NIPSNAP1: variants seen among roughly 807,000 people sequenced by gnomAD.
The protein encoded by NIPSNAP1 is protein NipSnap homolog 1.
Under a neutral mutation model 49.2 loss-of-function variants are expected in NIPSNAP1, and 25 were observed. That is an observed-to-expected ratio of 0.51 (90% confidence interval 0.37 to 0.71). The LOEUF is 0.71. NIPSNAP1 is among the 30% of genes least tolerant of loss of function. The pLI, the probability that NIPSNAP1 is intolerant of heterozygous loss-of-function variation, is 0.00. For missense variants in NIPSNAP1, 294 were observed against 361.0 expected (o/e 0.81, Z 1.50); for synonymous variants, 143 against 140.7 (o/e 1.02, Z -0.12).
rs542829896 is a variant in NIPSNAP1 at position 29,577,310 on chromosome 22, T to C, written c.98+3675A>G. Reference sequence around the variant, plus strand: ...CTCTGTTGCCCAGGCTGGAGTGCAATGGCACGATCTCGGCTCACTGCAACT... The same window carrying C: ...CTCTGTTGCCCAGGCTGGAGTGCAACGGCACGATCTCGGCTCACTGCAACT... On this transcript the variant is annotated intron_variant, in intron 1 of 9. Coordinates refer to ENST00000216121, the MANE Select transcript of NIPSNAP1 (RefSeq NM_003634.4). 1.2e-4 allele frequency among the ~76,000 whole-genome samples: 18 copies of C among 151,402 alleles called. 1 individual carries two copies. Among genetic ancestry groups the C allele is most frequent in the African/African-American group, 4.4e-4 (18 of 40,744 alleles).
intron 4 of NIPSNAP1, among the ~76,000 whole-genome samples, chr22:29,562,678 C>T (rs1218842126): frequency 5.3e-5 from 8 of 151,626 alleles, no homozygotes; most frequent in African/African-American, 1.5e-4. Flanking sequence ...GCAACAAGAG[C>T]GAAACTCCGT....
Position 29,570,407 on chromosome 22 carries a change from TG to T in NIPSNAP1, c.223del (p.Gln75SerfsTer5). The T allele has an allele frequency of 6.2e-7, 1 of 1,614,084 alleles. No homozygotes were observed. Among genetic ancestry groups the T allele is most frequent in the Non-Finnish European group, 8.5e-7 (1 of 1,180,020 alleles). On this transcript the variant is annotated frameshift_variant, in exon 2 of 10. Transcript: ENST00000216121. LOFTEE classifies it high-confidence loss of function. The stretch of plus-strand genomic sequence containing the variant: ...TGGTCAGCTCAGCAGCCACTCACAC[TG>T]GATCTTATAGAGGTTGCTGGTTTCC... ...KKETSNLYKI[Q>X]FHNVKPEYLD...
At chr22:29,556,868 G>A (rs1449371876) in intron 9 of NIPSNAP1, among the ~76,000 whole-genome samples, 1 of 152,102 alleles carries the variant, frequency 6.6e-6, no homozygotes, top group African/African-American at 2.4e-5. Context: ...TCCTGCCTCA[G>A]CCTCCCGAGT....
intron 1 of NIPSNAP1, among the ~76,000 whole-genome samples, chr22:29,578,668 T>C (rs1323311926): frequency 2.0e-5 from 3 of 151,158 alleles, no homozygotes; most frequent in African/African-American, 7.4e-5. Flanking sequence ...TGCAAGACAG[T>C]CCTTGAGGGA....
chr22:29,580,877 C>T (rs1427952641), intron 1 of NIPSNAP1, 108 bp downstream of exon 1: 38 of 915,678 alleles, frequency 4.1e-5, no homozygotes, highest in Non-Finnish European at 5.7e-5. Flanking sequence ...CCTCTAACCC[C>T]CAGATTCCAA....
rs376419305 is a variant in NIPSNAP1, at chr22:29,561,493, C to A, written c.579+13G>T. The A allele has an allele frequency of 1.9e-6, 3 of 1,613,838 alleles. No individual in the cohort carries two copies. The highest frequency in any genetic ancestry group is 1.7e-6 in the Non-Finnish European group (2 of 1,179,904). On this transcript the variant is annotated intron_variant, in intron 6 of 9. Transcript: ENST00000216121. ...AATTGGGGGGCAGGAGGGGGTCTGT[C>A]GGAGGGAGGCACCTTGAGCTTGTAT...
intron 1 of NIPSNAP1, among the ~76,000 whole-genome samples, chr22:29,575,982 G>A (rs1176294764): frequency 1.3e-5 from 2 of 151,224 alleles, no homozygotes; most frequent in African/African-American, 2.4e-5. Flanking sequence ...CCAAAGTGCT[G>A]GGATTACAGA....
At chr22:29,577,421 T>C (rs1344511033) in intron 1 of NIPSNAP1, among the ~76,000 whole-genome samples, 2 of 107,330 alleles carry the variant, frequency 1.9e-5, no homozygotes, top group Admixed American at 2.0e-4. Context: ...CCTGGCTAAT[T>C]TTTTTTTTTT....
At chr22:29,577,718 T>TTTTTG (rs777313394) in intron 1 of NIPSNAP1, among the ~76,000 whole-genome samples, 16 of 149,552 alleles carry the variant, frequency 1.1e-4, no homozygotes, top group Admixed American at 4.0e-4. Flanking sequence ...CCGGCATGTT[T>TTTTTG]TTTTGTTTTG....
At chr22:29,565,507 G>A (rs980190865) in intron 4 of NIPSNAP1, among the ~76,000 whole-genome samples, 8 of 150,518 alleles carry the variant, frequency 5.3e-5, no homozygotes, top group Non-Finnish European at 8.9e-5. Flanking sequence ...AGTGAGACTC[G>A]GTCTCGAAAA....
Position 29,576,180 on chromosome 22 carries a change from G to A in NIPSNAP1, c.98+4805C>T, listed in dbSNP as rs139622395. 1.6e-3 allele frequency among the ~76,000 whole-genome samples: 242 copies of A among 150,182 alleles called. 9 individuals are homozygous for A. The highest frequency in any genetic ancestry group is 5.0e-3 in the African/African-American group (202 of 40,020). On this transcript the variant is annotated intron_variant, in intron 1 of 9. Coordinates refer to ENST00000216121, the MANE Select transcript of NIPSNAP1 (RefSeq NM_003634.4). Reference sequence around the variant, plus strand: ...ACTACAGGTGCGTGCTACCACACCCGGCTAATTTTTGTATGTTTTAGTAGA... The same window carrying A: ...ACTACAGGTGCGTGCTACCACACCCAGCTAATTTTTGTATGTTTTAGTAGA...
Position 29,581,047 on chromosome 22 carries a change from C to T in NIPSNAP1, c.36G>A (p.Ala12=), listed in dbSNP as rs1214489658. 1.3e-6 allele frequency: 2 copies of T among 1,539,606 alleles called. No individual in the cohort carries two copies. Among genetic ancestry groups the T allele is most frequent in the Admixed American group, 3.9e-5 (2 of 50,852 alleles). Residue 12 remains alanine (A), a synonymous_variant, in exon 1 of 10, where the codon GCG becomes GCA. Coordinates refer to ENST00000216121, the MANE Select transcript of NIPSNAP1 (RefSeq NM_003634.4). The part of the protein sequence containing the change: ...APRLCSISVT[A]RRLLGGPGPR... Reference sequence around the variant, plus strand: ...GCCCCGGGCCCCCCAGCAGCCGCCGCGCCGTCACAGAGATGCTGCACAGCC... The same window carrying T: ...GCCCCGGGCCCCCCAGCAGCCGCCGTGCCGTCACAGAGATGCTGCACAGCC...
chr22:29,560,088 C>T (rs2065915304), intron 8 of NIPSNAP1, among the ~76,000 whole-genome samples: 1 of 152,188 alleles, frequency 6.6e-6, no homozygotes. Flanking sequence ...ATGTGCTGCT[C>T]TGTCTACTTG....
chr22:29,560,085 G>T (rs1189394459), intron 8 of NIPSNAP1, among the ~76,000 whole-genome samples: 2 of 152,096 alleles, frequency 1.3e-5, no homozygotes, highest in East Asian at 3.9e-4. Flanking sequence ...TGCATGTGCT[G>T]CTCTGTCTAC....
intron 3 of NIPSNAP1, chr22:29,569,754 C>G (rs111952631): frequency 3.0e-6 from 1 of 332,828 alleles, no homozygotes; most frequent in South Asian, 2.6e-5. Context: ...ACTCGGAGGC[C>G]GAGGCAGGTG....
chr22:29,556,064 C>G (rs1361116471), intron 9 of NIPSNAP1, 65 bp from the exon 10 acceptor site: 4 of 1,397,582 alleles, frequency 2.9e-6, no homozygotes, highest in Non-Finnish European at 4.0e-6. Context: ...CCCCTGGCCC[C>G]ACCCACACAT....
intron 1 of NIPSNAP1, 34 bp downstream of exon 1, chr22:29,580,951 G>A (rs1206366956): frequency 2.0e-6 from 3 of 1,480,804 alleles, no homozygotes; most frequent in Admixed American, 4.4e-5. Context: ...ACCCCACCCC[G>A]CGCGCGTCTA....
chr22:29,566,942 T>C (rs546330414), intron 4 of NIPSNAP1, among the ~76,000 whole-genome samples: 20 of 152,234 alleles, frequency 1.3e-4, no homozygotes, highest in Non-Finnish European at 2.5e-4. Context: ...ACCAACATGG[T>C]GAAACCCTGT....
At chr22:29,569,047 T>A in intron 4 of NIPSNAP1, 146 bp downstream of exon 4, 1 of 705,564 alleles carries the variant, frequency 1.4e-6, no homozygotes, top group Non-Finnish European at 2.6e-6. Context: ...GGACAGGTAT[T>A]TGAGCAGGGG....
Sources: gnomAD v4.1 joint callset for allele counts (sites outside exome capture counted in the v4.1 genomes callset) on GRCh38, gnomAD v4.1.1 for gene constraint, MANE v1.5 for transcripts, NCBI Gene and HGNC (gene_info 2026-07-23, HGNC 2026-07-21) for gene names.